Variants in SCFD2 observed in about 807,000 individuals in gnomAD.
SCFD2 encodes sec1 family domain containing 2, also known as sec1 family domain-containing protein 2.
In SCFD2, 54 loss-of-function variants were observed where a neutral mutation model predicts 58.9. The observed-to-expected ratio is 0.92, with a 90% CI of 0.74 to 1.15. The LOEUF (loss-of-function observed/expected upper bound fraction) is 1.15. SCFD2 is among the 50% of genes most tolerant of loss of function. SCFD2 has a pLI of 0.00. For missense variants in SCFD2, 805 were observed against 836.6 expected, an observed-to-expected ratio of 0.96 and a Z score of 0.47; for synonymous variants, 321 against 335.9, an observed-to-expected ratio of 0.96 and a Z score of 0.49.
chr4:53,354,343 C>A (rs1306196613), intron 1 of SCFD2, among the ~76,000 whole-genome samples: 4 of 152,232 alleles, frequency 2.6e-5, no homozygotes, highest in Non-Finnish European at 5.9e-5. Context: ...AAGCCCCTCA[C>A]TGCCTGGACC....
At chr4:53,210,928 C>T (rs1475126346) in intron 4 of SCFD2, among the ~76,000 whole-genome samples, 1 of 151,952 alleles carries the variant, frequency 6.6e-6, no homozygotes, top group Non-Finnish European at 1.5e-5. Flanking sequence ...GGAAGGAATG[C>T]TGCCCTCAAG....
intron 3 of SCFD2, among the ~76,000 whole-genome samples, chr4:53,276,822 C>T (rs1203205843): frequency 1.3e-5 from 2 of 152,212 alleles, no homozygotes; most frequent in South Asian, 2.1e-4. Context: ...TACAACTTCA[C>T]CAACACTTGG....
At chr4:53,330,795 A>G (rs1733427234) in intron 2 of SCFD2, among the ~76,000 whole-genome samples, 2 of 152,082 alleles carry the variant, frequency 1.3e-5, no homozygotes, top group South Asian at 4.1e-4. Context: ...AAAGACACAG[A>G]CTGGCAAATT....
chr4:53,277,221 A>C (rs1255857940), intron 3 of SCFD2, among the ~76,000 whole-genome samples: 1 of 152,238 alleles, frequency 6.6e-6, no homozygotes, highest in African/African-American at 2.4e-5. Flanking sequence ...CTTACGTGTC[A>C]TTCTCTCTAA....
At chr4:53,303,716 T>G (rs943317622) in intron 3 of SCFD2, among the ~76,000 whole-genome samples, 1 of 151,946 alleles carries the variant, frequency 6.6e-6, no homozygotes, top group Non-Finnish European at 1.5e-5. Flanking sequence ...TGTCCAGCAA[T>G]GATAGACTGG....
intron 1 of SCFD2, among the ~76,000 whole-genome samples, chr4:53,359,252 T>C (rs1560465183): frequency 6.6e-6 from 1 of 152,172 alleles, no homozygotes; most frequent in Non-Finnish European, 1.5e-5. Context: ...AGAAGAAATA[T>C]AAATATATAA....
chr4:53,245,511 A>G (rs901892858), intron 4 of SCFD2, among the ~76,000 whole-genome samples: 6 of 152,188 alleles, frequency 3.9e-5, no homozygotes, highest in African/African-American at 1.4e-4. Context: ...AAAAAACCAC[A>G]TGATCATCTC....
intron 4 of SCFD2, among the ~76,000 whole-genome samples, chr4:53,168,990 T>C (rs1727095711): frequency 1.3e-5 from 2 of 152,212 alleles, no homozygotes; most frequent in East Asian, 1.9e-4. Context: ...TGAGATGATG[T>C]GGTATTTGTT....
At chr4:52,874,604 A>G (rs183886859) in intron 8 of SCFD2, among the ~76,000 whole-genome samples, 2 of 152,304 alleles carry the variant, frequency 1.3e-5, no homozygotes, top group East Asian at 3.9e-4. Flanking sequence ...TCTGGAGCCT[A>G]GAAGTCCAAG....
At chr4:53,347,297 C>T (rs1340193098) in intron 2 of SCFD2, among the ~76,000 whole-genome samples, 3 of 152,174 alleles carry the variant, frequency 2.0e-5, no homozygotes, top group Non-Finnish European at 4.4e-5. Context: ...ACTTCACTCA[C>T]CGATCCTGCC....
intron 4 of SCFD2, among the ~76,000 whole-genome samples, chr4:53,271,872 G>C (rs1057235938): frequency 1.3e-5 from 2 of 152,150 alleles, no homozygotes; most frequent in African/African-American, 4.8e-5. Context: ...TTAAACTAAA[G>C]AGCTTCTGCA....
intron 4 of SCFD2, among the ~76,000 whole-genome samples, chr4:53,228,384 CCTT>C (rs1309153312): frequency 1.3e-5 from 2 of 152,128 alleles, no homozygotes; most frequent in African/African-American, 2.4e-5. Context: ...CTATAGTCAT[CCTT>C]CTTCTACGAC....
intron 4 of SCFD2, among the ~76,000 whole-genome samples, chr4:53,196,413 A>G (rs773886552): frequency 1.3e-5 from 2 of 152,168 alleles, no homozygotes; most frequent in Non-Finnish European, 2.9e-5. Flanking sequence ...CACATTTGTA[A>G]TGTTTATATA....
At chr4:52,938,919 G>A (rs301097) in intron 5 of SCFD2, among the ~76,000 whole-genome samples, 10,668 of 152,208 alleles carry the variant, frequency 0.07, 1,239 homozygotes, top group African/African-American at 0.24. Flanking sequence ...TAGGGATTGG[G>A]CAGTAAAACA....
chr4:53,353,503 C>T (rs188464927), intron 1 of SCFD2, among the ~76,000 whole-genome samples: 1 of 152,218 alleles, frequency 6.6e-6, no homozygotes, highest in East Asian at 1.9e-4. Context: ...ATTCCCTTAT[C>T]TGACCCCACC....
chr4:52,973,845 G>A (rs1232976841), intron 5 of SCFD2, among the ~76,000 whole-genome samples: 7 of 152,198 alleles, frequency 4.6e-5, no homozygotes, highest in Non-Finnish European at 8.8e-5. Flanking sequence ...TCATCCATGG[G>A]ATGCAAGGCT....
At chr4:53,300,641 T>C (rs1030953350) in intron 3 of SCFD2, among the ~76,000 whole-genome samples, 3 of 152,138 alleles carry the variant, frequency 2.0e-5, no homozygotes, top group African/African-American at 4.8e-5. Flanking sequence ...ATCAACAGAA[T>C]ATACATTCTT....
intron 4 of SCFD2, among the ~76,000 whole-genome samples, chr4:53,232,303 T>C (rs1031871718): frequency 6.6e-6 from 1 of 152,138 alleles, no homozygotes. Context: ...AAAACTACAA[T>C]AAAGATTTTT....
At chr4:53,201,826 C>T (rs1249803224) in intron 4 of SCFD2, among the ~76,000 whole-genome samples, 5 of 152,212 alleles carry the variant, frequency 3.3e-5, no homozygotes, top group Admixed American at 6.5e-5. Context: ...ATGTCTTCTT[C>T]TGAGAAGTGT....
Sources: allele counts gnomAD v4.1 joint callset (sites outside exome capture counted in the v4.1 genomes callset), GRCh38; gene constraint gnomAD v4.1.1; transcripts MANE v1.5; gene names NCBI Gene and HGNC (gene_info 2026-07-23, HGNC 2026-07-21).